Variants in LRRK1 observed in about 807,000 individuals in gnomAD.
LRRK1 encodes leucine-rich repeat serine/threonine-protein kinase 1.
LRRK1 carries 113 observed loss-of-function variants against 209.1 expected under a neutral mutation model. The observed-to-expected ratio is 0.54, with a 90% CI of 0.46 to 0.63. The LOEUF (loss-of-function observed/expected upper bound fraction) is 0.63. Among genes scored for constraint, LRRK1 ranks in the 30% least tolerant of loss-of-function variants. The pLI is 0.00. For synonymous variants in LRRK1, 1,144 were observed against 1,099.7 expected, an observed-to-expected ratio of 1.04 and a Z score of -0.80; for missense variants, 2,284 against 2,632.2, an observed-to-expected ratio of 0.87 and a Z score of 2.89.
chr15:100,987,303 C>G lies in LRRK1; in HGVS notation c.434-1331C>G, dbSNP rs565630479. The stretch of plus-strand genomic sequence containing the variant: ...CTTTGATCCCTAGGACTATGTGCCT[C>G]TGGAAATGAGGCAGTGTTATGATGC... On this transcript the variant is annotated intron_variant, in intron 4 of 33. Transcript: ENST00000388948. Among the ~76,000 whole-genome samples, 14 of 152,244 alleles carry G rather than the reference C, an allele frequency of 9.2e-5. No individual in the cohort carries two copies. The South Asian group carries it at 2.5e-3, about 27-fold the overall frequency.
chr15:101,010,410 T>A lies in LRRK1; in HGVS notation c.990-40T>A, dbSNP rs752602327. 76 of 1,581,252 alleles carry A rather than the reference T, an allele frequency of 4.8e-5. No individual in the cohort carries two copies. In the Middle Eastern group the frequency reaches 5.1e-4, roughly 11 times the overall value. On this transcript the variant is annotated intron_variant, in intron 7 of 33. Transcript: ENST00000388948. ...AAATATGTAAATTTGGTGTTTTCCC[T>A]CTTTATTCTGATGCCTGCCTTCCTT...
At chr15:101,012,907 G>GGT (rs1359691763) in intron 10 of LRRK1, among the ~76,000 whole-genome samples, 2 of 152,102 alleles carry the variant, frequency 1.3e-5, no homozygotes, top group Non-Finnish European at 2.9e-5. Context: ...CCCCGGGGGG[G>GGT]GGTGGTCCCA....
Position 101,027,845 on chromosome 15 carries a change from T to C in LRRK1, c.2686+48T>C, listed in dbSNP as rs761398802. 12 of 1,486,598 alleles carry C rather than the reference T, an allele frequency of 8.1e-6. No individual in the cohort carries two copies. The African/African-American group carries it at 1.5e-4, about 19-fold the overall frequency. 92.1% of individuals were successfully genotyped at this position (1,486,598 alleles called of 1,614,324 possible). ...GCAGGGTGCCCGTGAGAAATGGAAC[T>C]GTCTGTACTTGCTAACTTCAGCTTG... On this transcript the variant is annotated intron_variant, in intron 19 of 33. Transcript: ENST00000388948. This position sits in a 1 kb window ranked among gnomAD's most constrained non-coding sequence, Gnocchi z 5.1.
intron 2 of LRRK1, among the ~76,000 whole-genome samples, chr15:100,953,645 G>A (rs2042699698): frequency 6.6e-6 from 1 of 151,904 alleles, no homozygotes; most frequent in Non-Finnish European, 1.5e-5. Flanking sequence ...CGTTAATATG[G>A]GGTTACAGAT....
intron 28 of LRRK1, 26 bp from the exon 29 acceptor site, chr15:101,057,964 C>T (rs2035910124): frequency 5.0e-6 from 8 of 1,613,420 alleles, no homozygotes; most frequent in Non-Finnish European, 5.9e-6. Context: ...TGACCTTGCT[C>T]TCTTCTGGTG....
chr15:101,050,441 A>C (rs2035350380), intron 23 of LRRK1, among the ~76,000 whole-genome samples: 1 of 152,160 alleles, frequency 6.6e-6, no homozygotes, highest in Non-Finnish European at 1.5e-5. Context: ...TAATGGGGCA[A>C]GCAGCTGTGG....
chr15:101,030,987 T>A (rs944480261), intron 20 of LRRK1, among the ~76,000 whole-genome samples: 1 of 152,162 alleles, frequency 6.6e-6, no homozygotes, highest in Admixed American at 6.5e-5. Flanking sequence ...CTCTCACATA[T>A]CAGTGAGAAC....
At chr15:101,021,483 T>C (rs1367346721) in intron 13 of LRRK1, among the ~76,000 whole-genome samples, 1 of 152,180 alleles carries the variant, frequency 6.6e-6, no homozygotes, top group African/African-American at 2.4e-5. Flanking sequence ...CCAGGGGTTC[T>C]AGGCAGTGTG....
In LRRK1 at chr15:100,964,123, C is replaced by T. The variant is rs574077392; in HGVS notation, c.98-9681C>T. ...ACTGTTAGTGAGAGCCCGCAGAGCC[C>T]GGCCCTGGCTTTTGCTTTCCTGTCT... On this transcript the variant is annotated intron_variant, in intron 2 of 33. Coordinates refer to ENST00000388948, the MANE Select transcript of LRRK1 (RefSeq NM_024652.6). 1.5e-4 allele frequency among the ~76,000 whole-genome samples: 23 copies of T among 152,230 alleles called. No individual in the cohort carries two copies. The South Asian group carries it at 3.1e-3, about 21-fold the overall frequency.
In LRRK1 at chr15:100,983,623, GGATGACAACCC is replaced by G; in HGVS notation, c.358_368del (p.Asp120SerfsTer18). The G allele has an allele frequency of 6.2e-7, 1 of 1,610,226 alleles. No homozygotes were observed. Among genetic ancestry groups the G allele is most frequent in the Admixed American group, 1.7e-5 (1 of 59,910 alleles). ...TGGTGGAGCTGCCCACCGAGCCCAC[GGATGACAACCC>G]AGCCGTGGTGGCAGCGTATTTTGGA... is the stretch of plus-strand genomic sequence containing the variant. On this transcript the variant is annotated frameshift_variant, in exon 4 of 34. Transcript: ENST00000388948. LOFTEE classifies it high-confidence loss of function.
At chr15:100,942,162 G>A (rs148020696) in intron 2 of LRRK1, among the ~76,000 whole-genome samples, 6 of 152,334 alleles carry the variant, frequency 3.9e-5, no homozygotes, top group African/African-American at 1.4e-4. Flanking sequence ...TCCAAGGTGT[G>A]CACTTGCAGG....
intron 30 of LRRK1, chr15:101,062,355 C>G (rs535616447): frequency 1.5e-5 from 7 of 466,518 alleles, no homozygotes; most frequent in Non-Finnish European, 2.3e-5. Context: ...GAATAGATGA[C>G]GGGCTATTTT....
At chr15:100,965,283 T>A (rs1037249624) in intron 2 of LRRK1, among the ~76,000 whole-genome samples, 4 of 152,264 alleles carry the variant, frequency 2.6e-5, no homozygotes, top group African/African-American at 9.6e-5. Context: ...TCACTTCTTC[T>A]TGAAATGGCT....
At chr15:100,958,012 G>T (rs2042800012) in intron 2 of LRRK1, among the ~76,000 whole-genome samples, 2 of 151,938 alleles carry the variant, frequency 1.3e-5, no homozygotes. Context: ...ATTACAGGCA[G>T]CCACCACCAC....
chr15:100,946,418 T>A, intron 2 of LRRK1, among the ~76,000 whole-genome samples: 1 of 152,094 alleles, frequency 6.6e-6, no homozygotes, highest in Non-Finnish European at 1.5e-5. Context: ...GAGAAAGCAA[T>A]GGAACAGTGT....
At chr15:100,938,630 A>G (rs985803739) in intron 2 of LRRK1, among the ~76,000 whole-genome samples, 1 of 151,564 alleles carries the variant, frequency 6.6e-6, no homozygotes, top group Non-Finnish European at 1.5e-5. Flanking sequence ...TTTCCAGATG[A>G]TTTAGAACCC....
At position 101,029,226 on chromosome 15, in the gene LRRK1, A is replaced by G. The variant is rs199709127; in HGVS notation, c.2957A>G (p.Asn986Ser). ...AKFEIALPVA[N>S]DSYLLPHLLP... ...TTTGAGATCGCCCTGCCCGTCGCCA[A>G]TGACAGGTGAGGACACAACTTAACA... Residue 986 changes from asparagine (N) to serine (S), a missense_variant, in exon 20 of 34, where the codon AAT becomes AGT. Asn to Ser is a conservative substitution (Grantham distance 46). Around this residue, in one of 6 missense-constraint regions of LRRK1, gnomAD observed 780 missense variants for 985.2 expected, o/e 0.79. Coordinates refer to ENST00000388948, the MANE Select transcript of LRRK1 (RefSeq NM_024652.6). 5.8e-5 allele frequency: 94 copies of G among 1,610,876 alleles called. No individual in the cohort carries two copies. The highest frequency in any genetic ancestry group is 1.9e-4 in the African/African-American group (14 of 74,970).
At chr15:101,056,020 C>T (rs1331885379) in intron 27 of LRRK1, among the ~76,000 whole-genome samples, 2 of 152,150 alleles carry the variant, frequency 1.3e-5, no homozygotes, top group Admixed American at 6.5e-5. Flanking sequence ...ATCAGAGCAA[C>T]AAAAATAAGA....
At position 100,988,748 on chromosome 15, in the gene LRRK1, A is replaced by G. The variant is rs757738305; in HGVS notation, c.548A>G (p.Tyr183Cys). ...ACGCACGGGGCTGACCCGGAGAGCTACGCTGTCAGGAAGAATGAGTTCCCT... is the reference window on the plus strand; with the variant it reads ...ACGCACGGGGCTGACCCGGAGAGCTGCGCTGTCAGGAAGAATGAGTTCCCT... ...VLTHGADPES[Y>C]AVRKNEFPVI... The change falls in exon 5 of 34, where the codon TAC (tyrosine) becomes TGC (cysteine). Residue 183 changes from tyrosine (Y) to cysteine (C), a missense_variant. Physicochemically the swap from Tyr to Cys is radical, Grantham distance 194. This residue lies in a region of LRRK1 where 134 missense variants were observed against 191.7 expected (regional missense o/e 0.70). Coordinates refer to ENST00000388948, the MANE Select transcript of LRRK1 (RefSeq NM_024652.6). The G allele has an allele frequency of 2.0e-5, 32 of 1,613,948 alleles. No individual in the cohort carries two copies. Among genetic ancestry groups the G allele is most frequent in the Non-Finnish European group, 2.6e-5 (31 of 1,179,810 alleles).
Sources: gnomAD v4.1 joint callset for allele counts (sites outside exome capture counted in the v4.1 genomes callset) on GRCh38, gnomAD v4.1.1 for gene constraint, gnomAD v4.1.1 regional missense constraint, Gnocchi (gnomAD v3.1) non-coding constraint, MANE v1.5 for transcripts, NCBI Gene and HGNC (gene_info 2026-07-23, HGNC 2026-07-21) for gene names.